NINJ2: variants seen among roughly 807,000 people sequenced by gnomAD.
The protein encoded by NINJ2 is ninjurin-2.
A neutral mutation model predicts 11.7 loss-of-function variants in NINJ2; 12 were observed. That is an observed-to-expected ratio of 1.02 (90% CI 0.66 to 1.66). NINJ2 has a LOEUF of 1.66. Ranked by LOEUF, NINJ2 falls within the 40% of genes most tolerant of loss-of-function variation. The pLI is 0.00. For synonymous variants in NINJ2, 93 were observed against 76.8 expected (o/e 1.21, Z -1.10); for missense variants, 187 against 181.8 (o/e 1.03, Z -0.16).
intron 1 of NINJ2, among the ~76,000 whole-genome samples, chr12:626,128 C>T (rs1290802076): frequency 6.6e-6 from 1 of 152,230 alleles, no homozygotes; most frequent in Non-Finnish European, 1.5e-5. Flanking sequence ...TGAGTTTGTC[C>T]TTGAGACAGG....
chr12:602,865 C>T (rs1947890208), intron 1 of NINJ2, among the ~76,000 whole-genome samples: 1 of 152,210 alleles, frequency 6.6e-6, no homozygotes, highest in Non-Finnish European at 1.5e-5. Flanking sequence ...CAGGGTCTCA[C>T]TCTGTTGCCC....
chr12:645,989 A>T (rs1181891969), intron 1 of NINJ2: 3 of 152,198 alleles, frequency 2.0e-5, no homozygotes, highest in African/African-American at 7.2e-5. Flanking sequence ...GGAGGAGGAA[A>T]AATACTGCAG....
At chr12:627,685 C>G (rs887076268) in intron 1 of NINJ2, among the ~76,000 whole-genome samples, 7 of 152,236 alleles carry the variant, frequency 4.6e-5, no homozygotes, top group Non-Finnish European at 1.0e-4. Context: ...TTAAGTGGAA[C>G]CAGACTCGCC....
chr12:595,756 G>A (rs1284090665), intron 1 of NINJ2, among the ~76,000 whole-genome samples: 2 of 151,346 alleles, frequency 1.3e-5, no homozygotes, highest in African/African-American at 4.9e-5. Context: ...TCCGTCTTAG[G>A]GGGAAAAAAA....
intron 1 of NINJ2, among the ~76,000 whole-genome samples, chr12:634,265 C>CTGTTTTTTTTTTTTTTTTTTT (rs1948317221): frequency 1.7e-5 from 1 of 59,480 alleles, no homozygotes; most frequent in Non-Finnish European, 3.1e-5. Context: ...AGTTGCAGTT[C>CTGTTTTTTTTTTTTTTTTTTT]TTTTTTTTTT....
intron 1 of NINJ2, among the ~76,000 whole-genome samples, chr12:631,266 G>A (rs1948277721): frequency 6.6e-6 from 1 of 152,244 alleles, no homozygotes; most frequent in Non-Finnish European, 1.5e-5. Context: ...CTGCTGGGCA[G>A]TCTCTAATGA....
intron 1 of NINJ2, among the ~76,000 whole-genome samples, chr12:587,870 C>T (rs960894176): frequency 6.6e-6 from 1 of 152,204 alleles, no homozygotes; most frequent in African/African-American, 2.4e-5. Context: ...CTTGGTGACA[C>T]CTCTCACCTG....
rs1948232337 is a variant in NINJ2 at position 628,289 on chromosome 12, A to G, written c.33+35039T>C. 6.6e-6 allele frequency among the ~76,000 whole-genome samples: 1 copy of G among 151,984 alleles called. No individual in the cohort carries two copies. The highest frequency in any genetic ancestry group is 2.1e-4 in the South Asian group (1 of 4,834). On this transcript the variant is annotated intron_variant, in intron 1 of 3. Transcript: ENST00000305108. This position sits in a 1 kb window ranked among gnomAD's most constrained non-coding sequence, Gnocchi z 4.4. ...CCTTCGTATGTACTCTGAGATCTCTATGAGGAGTCTTCCTAGAGGGGAAGG... is the reference window on the plus strand; with the variant it reads ...CCTTCGTATGTACTCTGAGATCTCTGTGAGGAGTCTTCCTAGAGGGGAAGG...
chr12:649,529 G>GTATATATATATATATATATATATA (rs1257393720), intron 1 of NINJ2, among the ~76,000 whole-genome samples: 3 of 19,460 alleles, frequency 1.5e-4, no homozygotes, highest in African/African-American at 2.5e-4. Flanking sequence ...GTGTGTATAT[G>GTATATATATATATATATATATATA]TGTATATATA....
chr12:580,995 T>C lies in NINJ2; in HGVS notation c.34-14817A>G, dbSNP rs1042828901. On this transcript the variant is annotated intron_variant, in intron 1 of 3. Transcript: ENST00000305108. The surrounding 1 kb of genome is among the most constrained non-coding windows in gnomAD (Gnocchi z 4.7). ...ATGTGTGTGTCCATGTCTCTGTGCA[T>C]ATGTCTGTGTGAATGTGTGTGTTCA... is the stretch of plus-strand genomic sequence containing the variant. Among the ~76,000 whole-genome samples the C allele has an allele frequency of 2.8e-4, 43 of 151,818 alleles. No homozygotes were observed. The highest frequency in any genetic ancestry group is 9.7e-4 in the African/African-American group (40 of 41,380).
rs1423960208 is a variant in NINJ2, at chr12:637,302, T to C, written c.33+26026A>G. Among the ~76,000 whole-genome samples the C allele has an allele frequency of 4.6e-5, 7 of 151,538 alleles. No individual in the cohort carries two copies. In the South Asian group the frequency reaches 1.0e-3, roughly 23 times the overall value. ...AGGTGGGGGTTGCAGTGAGCCAAGA[T>C]TGTGCCACTGCACTCCAGCCTGGGC... On this transcript the variant is annotated intron_variant, in intron 1 of 3. Coordinates refer to ENST00000305108, the MANE Select transcript of NINJ2 (RefSeq NM_016533.6).
At chr12:623,939 G>A (rs1948183818) in intron 1 of NINJ2, among the ~76,000 whole-genome samples, 1 of 152,202 alleles carries the variant, frequency 6.6e-6, no homozygotes, top group Non-Finnish European at 1.5e-5. Flanking sequence ...AGAAGGCAGA[G>A]GTAGGAGGAT....
At chr12:593,664 G>A (rs557441895) in intron 1 of NINJ2, among the ~76,000 whole-genome samples, 5 of 152,212 alleles carry the variant, frequency 3.3e-5, no homozygotes, top group African/African-American at 7.2e-5. Context: ...GCAGTGAACC[G>A]TGAGTGTGCC....
At position 614,788 on chromosome 12, in the gene NINJ2, G is replaced by C. The variant is rs1458978180; in HGVS notation, c.33+48540C>G. Among the ~76,000 whole-genome samples, 2 of 152,094 alleles carry C rather than the reference G, an allele frequency of 1.3e-5. No homozygotes were observed. Among genetic ancestry groups the C allele is most frequent in the Non-Finnish European group, 1.5e-5 (1 of 68,028 alleles). ...GCACCCAGAGCTGAGTGTCTGTCTA[G>C]CTCAGGTTCCCAGAGGCCTAGGGGC... is the stretch of plus-strand genomic sequence containing the variant. On this transcript the variant is annotated intron_variant, in intron 1 of 3. Transcript: ENST00000305108. This position sits in a 1 kb window ranked among gnomAD's most constrained non-coding sequence, Gnocchi z 5.1.
At chr12:565,727 C>T (rs927317638) in intron 2 of NINJ2, 57 of 636,702 alleles carry the variant, frequency 9.0e-5, no homozygotes, top group East Asian at 4.6e-4. Context: ...GCAGGTACTG[C>T]GGAGGGTCTG....
intron 1 of NINJ2, among the ~76,000 whole-genome samples, chr12:615,149 C>T (rs575497057): frequency 1.3e-5 from 2 of 152,182 alleles, no homozygotes; most frequent in Non-Finnish European, 2.9e-5. Flanking sequence ...ATGAGTGACT[C>T]TCAAAGGAGA....
At chr12:649,609 T>A (rs1382153430) in intron 1 of NINJ2, among the ~76,000 whole-genome samples, 1 of 149,546 alleles carries the variant, frequency 6.7e-6, no homozygotes, top group Non-Finnish European at 1.5e-5. Context: ...TCTAATTTTC[T>A]TTTTTAAACT....
intron 1 of NINJ2, among the ~76,000 whole-genome samples, chr12:596,287 G>A (rs867824162): frequency 3.9e-5 from 6 of 152,156 alleles, no homozygotes; most frequent in African/African-American, 1.4e-4. Flanking sequence ...AGGGTATGAT[G>A]GTGGAAATAC....
chr12:625,584 T>TACTTCTGGTCAACTAAGCC (rs1948203227), intron 1 of NINJ2, among the ~76,000 whole-genome samples: 3 of 151,612 alleles, frequency 2.0e-5, no homozygotes, highest in Admixed American at 6.6e-5. Context: ...TCCAGCAAGC[T>TACTTCTGGTCAACTAAGCC]ACTTCTGGTC....
Sources: gnomAD v4.1 joint callset for allele counts (sites outside exome capture counted in the v4.1 genomes callset) on GRCh38, gnomAD v4.1.1 for gene constraint, Gnocchi (gnomAD v3.1) non-coding constraint, MANE v1.5 for transcripts, NCBI Gene and HGNC (gene_info 2026-07-23, HGNC 2026-07-21) for gene names.